The following RAB31 variants were observed in gnomAD, a reference collection of about 807,000 sequenced individuals.
RAB31 encodes the protein ras-related protein Rab-31.
RAB31 carries 21 observed loss-of-function variants against 25.6 expected under a neutral mutation model. The observed-to-expected ratio is 0.82, with a 90% confidence interval of 0.58 to 1.18. The LOEUF (loss-of-function observed/expected upper bound fraction) is 1.18, where lower values mean the gene tolerates loss of function less well. Ranked by LOEUF, RAB31 falls within the 50% of genes most tolerant of loss-of-function variation. RAB31 has a pLI of 0.00. For missense variants in RAB31, 196 were observed against 250.1 expected (o/e 0.78, Z 1.46); for synonymous variants, 87 against 84.0 (o/e 1.04, Z -0.20).
chr18:9,840,009 C>T (rs1284617107), intron 5 of RAB31, among the ~76,000 whole-genome samples: 2 of 152,222 alleles, frequency 1.3e-5, no homozygotes, highest in African/African-American at 4.8e-5. Flanking sequence ...ATCCTCACCA[C>T]TCAGCCTGAC....
At chr18:9,734,943 T>A in intron 1 of RAB31, 1 of 318,588 alleles carries the variant, frequency 3.1e-6, no homozygotes, top group South Asian at 2.9e-5. Flanking sequence ...AACTTTATAG[T>A]AGCCCAGTTG....
intron 1 of RAB31, among the ~76,000 whole-genome samples, chr18:9,738,679 CAGTA>C (rs1398118256): frequency 6.6e-6 from 1 of 152,116 alleles, no homozygotes; most frequent in Non-Finnish European, 1.5e-5. Context: ...TGGTGAATGT[CAGTA>C]AGTGTTTCCC....
chr18:9,739,840 G>A (rs547535174), intron 1 of RAB31, among the ~76,000 whole-genome samples: 1 of 152,348 alleles, frequency 6.6e-6, no homozygotes, highest in East Asian at 1.9e-4. Flanking sequence ...GTCATCGTTA[G>A]CTGGGTAACC....
intron 5 of RAB31, among the ~76,000 whole-genome samples, chr18:9,838,079 G>A (rs1413808083): frequency 1.3e-5 from 2 of 152,134 alleles, no homozygotes; most frequent in Non-Finnish European, 2.9e-5. Flanking sequence ...AACACTTATG[G>A]TGTGCCCGGC....
intron 1 of RAB31, among the ~76,000 whole-genome samples, chr18:9,729,948 G>A (rs1432977932): frequency 6.6e-6 from 1 of 152,128 alleles, no homozygotes; most frequent in African/African-American, 2.4e-5. Context: ...ACATGGTGTT[G>A]AATGACAGAT....
At chr18:9,719,098 C>T (rs1027481140) in intron 1 of RAB31, among the ~76,000 whole-genome samples, 1 of 150,330 alleles carries the variant, frequency 6.7e-6, no homozygotes, top group Non-Finnish European at 1.5e-5. Context: ...GGTGAAACCC[C>T]CTCTCTGCTA....
chr18:9,752,399 A>G (rs1379530153), intron 1 of RAB31, among the ~76,000 whole-genome samples: 2 of 151,882 alleles, frequency 1.3e-5, no homozygotes, highest in Non-Finnish European at 2.9e-5. Flanking sequence ...TAAGTTTTGT[A>G]TTTTTAGTAG....
chr18:9,767,008 GC>G (rs2145486680), intron 1 of RAB31, among the ~76,000 whole-genome samples: 1 of 152,152 alleles, frequency 6.6e-6, no homozygotes, highest in African/African-American at 2.4e-5. Context: ...AAGTATGTAA[GC>G]CTTAAAGTCT....
intron 2 of RAB31, among the ~76,000 whole-genome samples, chr18:9,776,578 G>T (rs964196917): frequency 3.3e-5 from 5 of 152,196 alleles, no homozygotes; most frequent in African/African-American, 1.2e-4. Context: ...CCTAATTGCA[G>T]CCTGCAACTT....
intron 3 of RAB31, among the ~76,000 whole-genome samples, chr18:9,800,770 A>C (rs1243868908): frequency 2.0e-5 from 3 of 149,724 alleles, no homozygotes; most frequent in African/African-American, 4.9e-5. Flanking sequence ...CAGTATGTGG[A>C]GTATGACCAG....
chr18:9,832,088 C>T (rs969833785), intron 5 of RAB31, among the ~76,000 whole-genome samples: 5 of 152,172 alleles, frequency 3.3e-5, no homozygotes, highest in Admixed American at 1.3e-4. Context: ...GCGATCTGGG[C>T]GTGCACTGCT....
At chr18:9,836,695 C>T in intron 5 of RAB31, among the ~76,000 whole-genome samples, 1 of 151,426 alleles carries the variant, frequency 6.6e-6, no homozygotes, top group Non-Finnish European at 1.5e-5. Flanking sequence ...TGGAGTGGAA[C>T]ACATGGGGAG....
At position 9,861,977 on chromosome 18, in the gene RAB31, A is replaced by G. The variant is rs552594862; in HGVS notation, c.*2652A>G. ...TTGCCATTTTATGGTTAAAAACGGC[A>G]CATTAGGCAGTTGAATATGACGTTA... On this transcript the variant is annotated 3_prime_UTR_variant, in exon 7 of 7. Transcript: ENST00000578921. 3.3e-5 allele frequency: 5 copies of G among 152,668 alleles called. No homozygotes were observed. The highest frequency in any genetic ancestry group is 1.5e-5 in the Non-Finnish European group (1 of 68,042). 9.5% of individuals were successfully genotyped at this position (152,668 alleles called of 1,614,324 possible).
At chr18:9,731,443 C>G (rs539853932) in intron 1 of RAB31, among the ~76,000 whole-genome samples, 2 of 152,298 alleles carry the variant, frequency 1.3e-5, no homozygotes, top group Admixed American at 1.3e-4. Context: ...ATAAAATTCT[C>G]TCTGCTGTTG....
intron 5 of RAB31, among the ~76,000 whole-genome samples, chr18:9,817,931 G>A (rs935213184): frequency 6.6e-6 from 1 of 152,192 alleles, no homozygotes; most frequent in Non-Finnish European, 1.5e-5. Context: ...TACCTCTAGT[G>A]GTAGTGTCAT....
intron 1 of RAB31, among the ~76,000 whole-genome samples, chr18:9,765,402 C>T (rs1234612948): frequency 6.6e-6 from 1 of 152,182 alleles, no homozygotes; most frequent in African/African-American, 2.4e-5. Flanking sequence ...ATTTACTCTG[C>T]TTGAGTGAGA....
At chr18:9,798,710 C>G (rs959516497) in intron 3 of RAB31, among the ~76,000 whole-genome samples, 3 of 151,944 alleles carry the variant, frequency 2.0e-5, no homozygotes, top group African/African-American at 7.3e-5. Context: ...CCTCAAACTC[C>G]CAGGCCTGGT....
At chr18:9,814,476 T>C (rs1485259960) in intron 4 of RAB31, among the ~76,000 whole-genome samples, 2 of 152,234 alleles carry the variant, frequency 1.3e-5, no homozygotes, top group Non-Finnish European at 2.9e-5. Flanking sequence ...TAAATCTTTG[T>C]GTGTGTATAT....
chr18:9,826,769 A>C (rs1410988761), intron 5 of RAB31, among the ~76,000 whole-genome samples: 2 of 152,220 alleles, frequency 1.3e-5, no homozygotes, highest in East Asian at 3.9e-4. Flanking sequence ...TAAGGGGTTA[A>C]GGGTACCTGG....
Sources: allele counts gnomAD v4.1 joint callset (sites outside exome capture counted in the v4.1 genomes callset), GRCh38; gene constraint gnomAD v4.1.1; transcripts MANE v1.5; gene names NCBI Gene and HGNC (gene_info 2026-07-23, HGNC 2026-07-21).